Variants in AKAP10 observed in about 807,000 individuals in gnomAD.
The protein encoded by AKAP10 is A-kinase anchor protein 10, mitochondrial.
In AKAP10, 24 loss-of-function variants were observed where a neutral mutation model predicts 80.8. That is an observed-to-expected ratio of 0.30 (90% CI 0.22 to 0.42). The LOEUF (loss-of-function observed/expected upper bound fraction) is 0.42. Among genes scored for constraint, AKAP10 ranks in the 10% least tolerant of loss-of-function variants. The pLI is 1.00. For missense variants in AKAP10, 661 were observed against 794.9 expected, an observed-to-expected ratio of 0.83 and a Z score of 2.03; for synonymous variants, 291 against 277.7, an observed-to-expected ratio of 1.05 and a Z score of -0.48.
At position 19,908,648 on chromosome 17, in the gene AKAP10, A is replaced by AT. The variant is rs145109099; in HGVS notation, c.1983+532dup. Among the ~76,000 whole-genome samples, 68 of 149,954 alleles carry AT rather than the reference A, an allele frequency of 4.5e-4. 1 individual carries two copies. Among genetic ancestry groups the AT allele is most frequent in the Middle Eastern group, 3.4e-3 (1 of 292 alleles). On this transcript the variant is annotated intron_variant, in intron 14 of 14. Coordinates refer to ENST00000225737, the MANE Select transcript of AKAP10 (RefSeq NM_007202.4). Reference sequence around the variant, plus strand: ...CTCAAATTGAGCTCTCTGAACTTTGATTTTTTTTTTGAAATGGGGTTTCGC... The same window carrying AT: ...CTCAAATTGAGCTCTCTGAACTTTGATTTTTTTTTTTGAAATGGGGTTTCGC...
chr17:19,931,312 A>G (rs1027310756), intron 10 of AKAP10, among the ~76,000 whole-genome samples: 23 of 152,124 alleles, frequency 1.5e-4, no homozygotes, highest in African/African-American at 5.6e-4. Context: ...AAACAGCATG[A>G]TACTTTACAA....
chr17:19,944,481 T>A (rs769321572), intron 5 of AKAP10, among the ~76,000 whole-genome samples: 1 of 151,926 alleles, frequency 6.6e-6, no homozygotes. Flanking sequence ...GAAACCCCGT[T>A]TCTACTAAAA....
At chr17:19,977,291 C>T (rs1375143244) in intron 1 of AKAP10, among the ~76,000 whole-genome samples, 2 of 152,148 alleles carry the variant, frequency 1.3e-5, no homozygotes, top group Non-Finnish European at 2.9e-5. Context: ...CTCAAAGAAA[C>T]ACAAAAAAAC....
intron 11 of AKAP10, among the ~76,000 whole-genome samples, 174 bp downstream of exon 11, chr17:19,924,234 C>G (rs917087719): frequency 3.9e-5 from 6 of 152,084 alleles, no homozygotes; most frequent in African/African-American, 1.4e-4. Flanking sequence ...GATTAAAACC[C>G]AGGAAGTCAC....
At chr17:19,942,214 G>T (rs991364472) in intron 5 of AKAP10, among the ~76,000 whole-genome samples, 1 of 152,016 alleles carries the variant, frequency 6.6e-6, no homozygotes, top group African/African-American at 2.4e-5. Flanking sequence ...CAGTTAAAAG[G>T]TTACTATCAT....
chr17:19,920,166 A>G, intron 11 of AKAP10, 48 bp from the exon 12 acceptor site: 1 of 1,385,022 alleles, frequency 7.2e-7, no homozygotes, highest in Non-Finnish European at 1.0e-6. Context: ...ATCAGTTTTA[A>G]ATTTAGGAGA....
intron 5 of AKAP10, among the ~76,000 whole-genome samples, chr17:19,944,724 T>A (rs1171961014): frequency 6.6e-6 from 1 of 152,188 alleles, no homozygotes; most frequent in Non-Finnish European, 1.5e-5. Flanking sequence ...TACCACTCAC[T>A]TCCAAACCAT....
In AKAP10 at chr17:19,958,432, T is replaced by G. The variant is rs778751429; in HGVS notation, c.459A>C (p.Lys153Asn). 2 of 1,614,156 alleles carry G rather than the reference T, an allele frequency of 1.2e-6. No homozygotes were observed. Among genetic ancestry groups the G allele is most frequent in the Non-Finnish European group, 1.7e-6 (2 of 1,180,034 alleles). ...GAAAACTTTCAGCCTCTAACCAAAA[T>G]TTCACCAAATGCTCCATTCGCCGAA... ...MELRRMEHLVKFWLEAESFHS... is the reference protein window; with the variant it reads ...MELRRMEHLVNFWLEAESFHS... Residue 153 changes from lysine to asparagine, a missense_variant, in exon 4 of 15, where the codon AAA (lysine) becomes AAC (asparagine). Physicochemically the swap from Lys to Asn is moderately conservative, Grantham distance 94. Coordinates refer to ENST00000225737, the MANE Select transcript of AKAP10 (RefSeq NM_007202.4).
intron 2 of AKAP10, among the ~76,000 whole-genome samples, chr17:19,966,028 A>G (rs991949366): frequency 1.3e-5 from 2 of 152,194 alleles, no homozygotes; most frequent in African/African-American, 4.8e-5. Context: ...TAGGTTTGCT[A>G]GACTCTAAAA....
intron 4 of AKAP10, among the ~76,000 whole-genome samples, chr17:19,956,817 C>T (rs1250195846): frequency 6.6e-6 from 1 of 151,692 alleles, no homozygotes; most frequent in Admixed American, 6.6e-5. Flanking sequence ...TCAGCCTGAC[C>T]AACATGGTGA....
intron 4 of AKAP10, among the ~76,000 whole-genome samples, chr17:19,952,079 GT>G (rs1196202502): frequency 6.6e-6 from 1 of 151,172 alleles, no homozygotes; most frequent in Non-Finnish European, 1.5e-5. Flanking sequence ...CAGTGCAACA[GT>G]TACATTTAAT....
rs1251704631 is a variant in AKAP10, at chr17:19,909,986, A to G, written c.1835-8T>C. ...CTTGTGAGAACATGGATCCTAGTAA[A>G]CAAAGACAAAATTGAATGTACATTT... On this transcript the variant is annotated splice_polypyrimidine_tract_variant and splice_region_variant and intron_variant, in intron 12 of 14. Coordinates refer to ENST00000225737, the MANE Select transcript of AKAP10 (RefSeq NM_007202.4). 2 of 1,613,092 alleles carry G rather than the reference A, an allele frequency of 1.2e-6. No homozygotes were observed. Among genetic ancestry groups the G allele is most frequent in the Admixed American group, 3.3e-5 (2 of 59,968 alleles).
chr17:19,969,493 C>A (rs988906431), intron 1 of AKAP10, among the ~76,000 whole-genome samples: 8 of 151,684 alleles, frequency 5.3e-5, no homozygotes, highest in Non-Finnish European at 8.8e-5. Flanking sequence ...AGTGTGAATT[C>A]TATCACAGGA....
intron 10 of AKAP10, 27 bp downstream of exon 10, chr17:19,931,778 C>T: frequency 6.3e-7 from 1 of 1,598,030 alleles, no homozygotes; most frequent in Non-Finnish European, 8.5e-7. Flanking sequence ...GCTTTTCTCC[C>T]TAATGGCAGA....
intron 12 of AKAP10, among the ~76,000 whole-genome samples, chr17:19,911,478 A>C (rs950424092): frequency 6.6e-6 from 1 of 152,130 alleles, no homozygotes; most frequent in African/African-American, 2.4e-5. Context: ...CCCTCATGCC[A>C]GTCTCTCCCA....
At chr17:19,906,671 G>A (rs1221901315) in intron 14 of AKAP10, among the ~76,000 whole-genome samples, 1 of 152,180 alleles carries the variant, frequency 6.6e-6, no homozygotes, top group Non-Finnish European at 1.5e-5. Flanking sequence ...AAGGTCCCCG[G>A]TATTGTGGCA....
At chr17:19,923,124 C>G (rs2042836144) in intron 11 of AKAP10, among the ~76,000 whole-genome samples, 1 of 152,138 alleles carries the variant, frequency 6.6e-6, no homozygotes, top group Admixed American at 6.5e-5. Context: ...GTCGCGCAGG[C>G]TGCAGTGCAA....
chr17:19,934,506 C>T (rs148490937), intron 9 of AKAP10, among the ~76,000 whole-genome samples: 1 of 152,046 alleles, frequency 6.6e-6, no homozygotes, highest in Non-Finnish European at 1.5e-5. Flanking sequence ...TGCCACTACG[C>T]CCAGCTAATT....
At chr17:19,977,536 C>A in intron 1 of AKAP10, 56 bp downstream of exon 1, 1 of 1,208,600 alleles carries the variant, frequency 8.3e-7, no homozygotes, top group African/African-American at 1.6e-5. Flanking sequence ...GGCCCACCTG[C>A]CCCACCGCCG....
Sources: allele counts gnomAD v4.1 joint callset (sites outside exome capture counted in the v4.1 genomes callset), GRCh38; gene constraint gnomAD v4.1.1; transcripts MANE v1.5; gene names NCBI Gene and HGNC (gene_info 2026-07-23, HGNC 2026-07-21).